The following TBC1D1 variants were observed in gnomAD, a reference collection of about 807,000 sequenced individuals.
TBC1D1 encodes TBC1 (tre-2/USP6, BUB2, cdc16) domain family, member 1.
In TBC1D1, 89 loss-of-function variants were observed where a neutral mutation model predicts 125.6. The observed-to-expected ratio is 0.71, with a 90% CI of 0.60 to 0.85. The LOEUF (loss-of-function observed/expected upper bound fraction) is 0.85. Among genes scored for constraint, TBC1D1 ranks in the 40% least tolerant of loss-of-function variants. TBC1D1 has a pLI of 0.00. For synonymous variants in TBC1D1, 565 were observed against 564.1 expected, an observed-to-expected ratio of 1.00 and a Z score of -0.02; for missense variants, 1,377 against 1,469.2, an observed-to-expected ratio of 0.94 and a Z score of 1.03.
At chr4:38,057,795 G>T (rs928934372) in intron 12 of TBC1D1, among the ~76,000 whole-genome samples, 9 of 152,202 alleles carry the variant, frequency 5.9e-5, no homozygotes, top group Admixed American at 1.3e-4. Context: ...TGGAGGCTGG[G>T]AGTGGCTTAA....
intron 2 of TBC1D1, among the ~76,000 whole-genome samples, chr4:38,004,358 C>T (rs1232834481): frequency 6.6e-6 from 1 of 152,224 alleles, no homozygotes; most frequent in Non-Finnish European, 1.5e-5. Context: ...TCAACCTGCA[C>T]ACACTAAACA....
At chr4:38,136,659 G>C (rs758799112) in intron 19 of TBC1D1, among the ~76,000 whole-genome samples, 1 of 152,156 alleles carries the variant, frequency 6.6e-6, no homozygotes, top group South Asian at 2.1e-4. Context: ...GCCCGAAATC[G>C]ATTTGTGCGT....
chr4:38,124,877 T>G (rs746509128), intron 17 of TBC1D1, 85 bp from the exon 20 acceptor site: 195 of 1,185,108 alleles, frequency 1.6e-4, no homozygotes, highest in Non-Finnish European at 2.3e-4. Flanking sequence ...ACACTCCTGC[T>G]CTGTGATGTG....
intron 2 of TBC1D1, among the ~76,000 whole-genome samples, chr4:37,928,682 C>G (rs1463872445): frequency 6.6e-6 from 1 of 152,236 alleles, no homozygotes; most frequent in East Asian, 1.9e-4. Flanking sequence ...TGCCAATTTT[C>G]TTCCAGGCGG....
At chr4:37,925,478 G>A (rs1024665670) in intron 2 of TBC1D1, among the ~76,000 whole-genome samples, 6 of 152,152 alleles carry the variant, frequency 3.9e-5, no homozygotes, top group African/African-American at 1.4e-4. Flanking sequence ...AGCACTTCGG[G>A]AGGTCGAGGT....
At chr4:37,998,825 A>G (rs1483733027) in intron 2 of TBC1D1, among the ~76,000 whole-genome samples, 1 of 152,224 alleles carries the variant, frequency 6.6e-6, no homozygotes, top group Non-Finnish European at 1.5e-5. Flanking sequence ...TGCCTGAGAT[A>G]TTGTATTAAC....
chr4:37,896,563 G>A (rs1418958266), intron 1 of TBC1D1, among the ~76,000 whole-genome samples: 4 of 152,070 alleles, frequency 2.6e-5, no homozygotes, highest in East Asian at 1.9e-4. Context: ...AGAAAACTTG[G>A]GGATGATCTT....
At chr4:38,110,794 G>A in intron 15 of TBC1D1, 1 of 985,490 alleles carries the variant, frequency 1.0e-6, no homozygotes, top group Non-Finnish European at 1.2e-6. Context: ...TTTGTAGGAA[G>A]GATTGCACAG....
chr4:38,005,176 G>A lies in TBC1D1; in HGVS notation c.418-9333G>A, dbSNP rs571201129. Among the ~76,000 whole-genome samples, 12 of 152,320 alleles carry A rather than the reference G, an allele frequency of 7.9e-5. No individual in the cohort carries two copies. The South Asian group carries it at 1.7e-3, about 21-fold the overall frequency. ...GGAGGCCCCAGGATGCGGAAAAAGGGTGTGTAAGAGGAGGGTGCTCCGGAG... is the reference window on the plus strand; with the variant it reads ...GGAGGCCCCAGGATGCGGAAAAAGGATGTGTAAGAGGAGGGTGCTCCGGAG... On this transcript the variant is annotated intron_variant, in intron 2 of 19. Coordinates refer to ENST00000261439, the MANE Select transcript of TBC1D1 (RefSeq NM_015173.4).
intron 18 of TBC1D1, among the ~76,000 whole-genome samples, chr4:38,128,336 C>G (rs924462721): frequency 7.2e-5 from 11 of 152,154 alleles, no homozygotes; most frequent in South Asian, 2.1e-4. Flanking sequence ...CCTACTGCCC[C>G]CTCCCATCCA....
chr4:38,028,576 G>A (rs1319245582), intron 7 of TBC1D1, among the ~76,000 whole-genome samples: 1 of 152,262 alleles, frequency 6.6e-6, no homozygotes, highest in Non-Finnish European at 1.5e-5. Context: ...GTCTCATAGA[G>A]TGTCCAGGTC....
chr4:37,894,451 G>A (rs1216450899), intron 1 of TBC1D1, among the ~76,000 whole-genome samples: 1 of 152,184 alleles, frequency 6.6e-6, no homozygotes, highest in African/African-American at 2.4e-5. Context: ...CAGAATGTAG[G>A]AAATACATTT....
chr4:37,945,902 G>A (rs1726604675), intron 2 of TBC1D1, among the ~76,000 whole-genome samples: 1 of 152,170 alleles, frequency 6.6e-6, no homozygotes. Context: ...AGCCAAAATA[G>A]AAGTCAGCTG....
intron 12 of TBC1D1, among the ~76,000 whole-genome samples, chr4:38,070,930 C>T (rs1250061096): frequency 1.3e-5 from 2 of 152,286 alleles, no homozygotes; most frequent in Non-Finnish European, 2.9e-5. Flanking sequence ...TGATGCTAAC[C>T]AGTATTCAGA....
intron 2 of TBC1D1, among the ~76,000 whole-genome samples, chr4:38,008,151 C>T (rs1363782328): frequency 6.6e-6 from 1 of 152,226 alleles, no homozygotes; most frequent in African/African-American, 2.4e-5. Flanking sequence ...ATTGAATATT[C>T]AGTGATTCCA....
At chr4:38,042,737 A>G (rs1262242311) in intron 8 of TBC1D1, among the ~76,000 whole-genome samples, 2 of 152,226 alleles carry the variant, frequency 1.3e-5, no homozygotes, top group East Asian at 1.9e-4. Context: ...ATTGCACTCC[A>G]GAGCTGGGCT....
At chr4:38,021,126 C>T (rs752671813) in intron 5 of TBC1D1, among the ~76,000 whole-genome samples, 6 of 152,174 alleles carry the variant, frequency 3.9e-5, no homozygotes, top group African/African-American at 7.2e-5. Flanking sequence ...ACAATCATGG[C>T]GGAAGGTGAA....
intron 15 of TBC1D1, 111 bp downstream of exon 17, chr4:38,103,268 A>G (rs1339759598): frequency 1.8e-6 from 2 of 1,101,574 alleles, no homozygotes; most frequent in African/African-American, 3.2e-5. Context: ...AGCAATCAAA[A>G]TTTACTACTG....
In TBC1D1 at chr4:38,032,061, G is replaced by A. The variant is rs180717572; in HGVS notation, c.1303-3527G>A. Among the ~76,000 whole-genome samples, 423 of 152,356 alleles carry A rather than the reference G, an allele frequency of 2.8e-3. 2 individuals are homozygous for A. Among genetic ancestry groups the A allele is most frequent in the East Asian group, 8.5e-3 (44 of 5,188 alleles). On this transcript the variant is annotated intron_variant, in intron 7 of 19. Coordinates refer to ENST00000261439, the MANE Select transcript of TBC1D1 (RefSeq NM_015173.4). ...TGGCCAGGCGCGGTGGCTCATGCCTGTAATTCCAGCACTTTGGGAGGCCAA... is the reference window on the plus strand; with the variant it reads ...TGGCCAGGCGCGGTGGCTCATGCCTATAATTCCAGCACTTTGGGAGGCCAA...
Sources: allele counts gnomAD v4.1 joint callset (sites outside exome capture counted in the v4.1 genomes callset), GRCh38; gene constraint gnomAD v4.1.1; transcripts MANE v1.5; gene names NCBI Gene and HGNC (gene_info 2026-07-23, HGNC 2026-07-21).